PPARA: variants seen among roughly 807,000 people sequenced by gnomAD.
PPARA encodes peroxisome proliferator-activated receptor alpha.
Under a neutral mutation model 42.2 loss-of-function variants are expected in PPARA, and 22 were observed. The observed-to-expected ratio is 0.52, with a 90% CI of 0.37 to 0.74. The LOEUF is 0.74. Ranked by LOEUF, PPARA falls within the 30% of genes least tolerant of loss-of-function variation. The pLI is 0.00. For synonymous variants in PPARA, 242 were observed against 239.3 expected, an observed-to-expected ratio of 1.01 and a Z score of -0.10; for missense variants, 465 against 608.2, an observed-to-expected ratio of 0.76 and a Z score of 2.48.
At chr22:46,217,987 T>A (rs994081602) in intron 5 of PPARA, among the ~76,000 whole-genome samples, 1 of 151,812 alleles carries the variant, frequency 6.6e-6, no homozygotes, top group African/African-American at 2.4e-5. Context: ...TACATCACCA[T>A]GCCCGGCTAA....
rs1417454449 is a variant in PPARA at position 46,182,705 on chromosome 22, A to G, written c.-43+5869A>G. On this transcript the variant is annotated intron_variant, in intron 3 of 8. Coordinates refer to ENST00000407236, the MANE Select transcript of PPARA (RefSeq NM_005036.6). This position sits in a 1 kb window ranked among gnomAD's most constrained non-coding sequence, Gnocchi z 5.2. ...ACTTTAAATATGTACAGATTATTGT[A>G]TGCCAGTTACATGTCCATAAAGCTT... Among the ~76,000 whole-genome samples, 1 of 152,192 alleles carries G rather than the reference A, an allele frequency of 6.6e-6. No homozygotes were observed. The highest frequency in any genetic ancestry group is 1.5e-5 in the Non-Finnish European group (1 of 68,038).
chr22:46,219,588 G>A lies in PPARA; in HGVS notation c.509-224G>A, dbSNP rs929037908. 2.0e-5 allele frequency among the ~76,000 whole-genome samples: 3 copies of A among 152,148 alleles called. No individual in the cohort carries two copies. The highest frequency in any genetic ancestry group is 4.2e-4 in the South Asian group (2 of 4,818). On this transcript the variant is annotated intron_variant, in intron 6 of 8. Coordinates refer to ENST00000407236, the MANE Select transcript of PPARA (RefSeq NM_005036.6). This position sits in a 1 kb window ranked among gnomAD's most constrained non-coding sequence, Gnocchi z 4.8. ...TCACCTTCAGCCTGCACCTGTTAAC[G>A]ATGGTGTCACCTTCAGCCTGCACCT...
chr22:46,226,043 T>A (rs1347998612), intron 7 of PPARA, among the ~76,000 whole-genome samples: 2 of 150,178 alleles, frequency 1.3e-5, no homozygotes. Flanking sequence ...ACACACACAC[T>A]TACAAACTAC....
Position 46,156,164 on chromosome 22 carries a change from A to T in PPARA, c.-127+4194A>T, listed in dbSNP as rs1925269306. ...TGGAAATCTGGAAATATTGCTGTGT[A>T]TCTGCAAAGCAGCTTGATATAGTGG... On this transcript the variant is annotated intron_variant, in intron 2 of 8. Transcript: ENST00000407236. This position sits in a 1 kb window ranked among gnomAD's most constrained non-coding sequence, Gnocchi z 5.2. The T allele has an allele frequency of 6.6e-6, 1 of 152,266 alleles. No individual in the cohort carries two copies. The highest frequency in any genetic ancestry group is 1.5e-5 in the Non-Finnish European group (1 of 68,054). 9.4% of individuals were successfully genotyped at this position (152,266 alleles called of 1,614,324 possible).
intron 2 of PPARA, among the ~76,000 whole-genome samples, chr22:46,153,064 C>T (rs1393597839): frequency 6.6e-6 from 1 of 151,650 alleles, no homozygotes; most frequent in East Asian, 1.9e-4. Flanking sequence ...GCAGCCTGGG[C>T]GCCAGGGCGA....
At chr22:46,164,077 G>C (rs1926651699) in intron 2 of PPARA, 1 of 151,920 alleles carries the variant, frequency 6.6e-6, no homozygotes, top group Non-Finnish European at 1.5e-5. Context: ...AAATTACCTG[G>C]GCGTGGTGGT....
rs1346646660 is a variant in PPARA, at chr22:46,187,537, AAGG to A, written c.-43+10704_-43+10706del. Among the ~76,000 whole-genome samples, 3 of 152,178 alleles carry A rather than the reference AAGG, an allele frequency of 2.0e-5. No individual in the cohort carries two copies. The highest frequency in any genetic ancestry group is 4.4e-5 in the Non-Finnish European group (3 of 68,036). ...CTTGGGACAGTTACAACAGCCCCGT[AAGG>A]AGTTGTGCTGCTTCTAGTCTTGTTC... On this transcript the variant is annotated intron_variant, in intron 3 of 8. Transcript: ENST00000407236. This position sits in a 1 kb window ranked among gnomAD's most constrained non-coding sequence, Gnocchi z 4.9.
chr22:46,224,482 C>T lies in PPARA; in HGVS notation c.711+4468C>T, dbSNP rs80075526. Among the ~76,000 whole-genome samples the T allele has an allele frequency of 0.017, 2,647 of 152,264 alleles. 83 individuals carry two copies. The highest frequency in any genetic ancestry group is 0.061 in the African/African-American group (2,540 of 41,560). On this transcript the variant is annotated intron_variant, in intron 7 of 8. Coordinates refer to ENST00000407236, the MANE Select transcript of PPARA (RefSeq NM_005036.6). This position sits in a 1 kb window ranked among gnomAD's most constrained non-coding sequence, Gnocchi z 5.7. Reference sequence around the variant, plus strand: ...ATCTGTTAGGGAGACCAAGCAGCGGCCTGGAAACACCTTGATCTCTGCCCA... The same window carrying T: ...ATCTGTTAGGGAGACCAAGCAGCGGTCTGGAAACACCTTGATCTCTGCCCA...
chr22:46,165,472 G>T lies in PPARA; in HGVS notation c.-126-11281G>T, dbSNP rs1926903943. 6.6e-6 allele frequency: 1 copy of T among 152,272 alleles called. No homozygotes were observed. The highest frequency in any genetic ancestry group is 1.5e-5 in the Non-Finnish European group (1 of 68,076). 9.4% of individuals were successfully genotyped at this position (152,272 alleles called of 1,614,324 possible). ...AACTGCCAGGCCATGGTCTGGAGAA[G>T]ATGGAAACTTGATGTTTGGGGCCAT... is the stretch of plus-strand genomic sequence containing the variant. On this transcript the variant is annotated intron_variant, in intron 2 of 8. Coordinates refer to ENST00000407236, the MANE Select transcript of PPARA (RefSeq NM_005036.6). The surrounding 1 kb of genome is among the most constrained non-coding windows in gnomAD (Gnocchi z 5.5).
chr22:46,199,370 C>G (rs1300040885), intron 4 of PPARA, among the ~76,000 whole-genome samples: 6 of 152,130 alleles, frequency 3.9e-5, no homozygotes, highest in Non-Finnish European at 8.8e-5. Flanking sequence ...CGGTGGCTCA[C>G]GCCTATAATC....
rs1925321071 is a variant in PPARA, at chr22:46,156,514, C to G, written c.-127+4544C>G. The G allele has an allele frequency of 6.6e-6, 1 of 152,192 alleles. No individual in the cohort carries two copies. Among genetic ancestry groups the G allele is most frequent in the African/African-American group, 2.4e-5 (1 of 41,432 alleles). 9.4% of individuals were successfully genotyped at this position (152,192 alleles called of 1,614,324 possible). Reference sequence around the variant, plus strand: ...TCAGAAAGCAACATGCTACCGTACCCCTTATACACCAAAACTGGTTTTCAT... The same window carrying G: ...TCAGAAAGCAACATGCTACCGTACCGCTTATACACCAAAACTGGTTTTCAT... On this transcript the variant is annotated intron_variant, in intron 2 of 8. Coordinates refer to ENST00000407236, the MANE Select transcript of PPARA (RefSeq NM_005036.6). The surrounding 1 kb of genome is among the most constrained non-coding windows in gnomAD (Gnocchi z 5.2).
At chr22:46,194,568 C>CTTTTTTTT (rs1158744441) in intron 3 of PPARA, among the ~76,000 whole-genome samples, 3 of 125,522 alleles carry the variant, frequency 2.4e-5, no homozygotes, top group Non-Finnish European at 4.9e-5. Context: ...TTGCTTTTTC[C>CTTTTTTTT]TTTTTTTTTT....
Position 46,216,136 on chromosome 22 carries a change from A to G in PPARA, c.369+803A>G, listed in dbSNP as rs982290822. On this transcript the variant is annotated intron_variant, in intron 5 of 8. Coordinates refer to ENST00000407236, the MANE Select transcript of PPARA (RefSeq NM_005036.6). This position sits in a 1 kb window ranked among gnomAD's most constrained non-coding sequence, Gnocchi z 4.5. ...AGTGGCTCACGCCTATAATCTCAGC[A>G]CTTTGGGAGGCCGAGGCGGCTGGAT... Among the ~76,000 whole-genome samples the G allele has an allele frequency of 6.6e-6, 1 of 152,146 alleles. No homozygotes were observed. The highest frequency in any genetic ancestry group is 2.4e-5 in the African/African-American group (1 of 41,434).
rs936616724 is a variant in PPARA at position 46,216,349 on chromosome 22, C to T, written c.369+1016C>T. ...AGTGAGCTGAGATCGAGCCATTTCA[C>T]TCCAGCCTAGGCGACAAGAGTAAAA... On this transcript the variant is annotated intron_variant, in intron 5 of 8. Coordinates refer to ENST00000407236, the MANE Select transcript of PPARA (RefSeq NM_005036.6). The surrounding 1 kb of genome is among the most constrained non-coding windows in gnomAD (Gnocchi z 4.5). 3.3e-5 allele frequency among the ~76,000 whole-genome samples: 5 copies of T among 150,018 alleles called. No homozygotes were observed. The highest frequency in any genetic ancestry group is 1.3e-4 in the Admixed American group (2 of 15,082).
intron 5 of PPARA, among the ~76,000 whole-genome samples, chr22:46,217,245 C>T (rs1486027527): frequency 6.6e-6 from 1 of 152,112 alleles, no homozygotes; most frequent in African/African-American, 2.4e-5. Context: ...GTCCCTCTCC[C>T]GCGGGCCAAG....
chr22:46,161,288 T>C lies in PPARA; in HGVS notation c.-127+9318T>C, dbSNP rs1238403162. On this transcript the variant is annotated intron_variant, in intron 2 of 8. Coordinates refer to ENST00000407236, the MANE Select transcript of PPARA (RefSeq NM_005036.6). This position sits in a 1 kb window ranked among gnomAD's most constrained non-coding sequence, Gnocchi z 4.8. Reference sequence around the variant, plus strand: ...GAAGGATGTGTGCCCAATTATGGTATCAGGTCTGTTGTAGACTCTTCAAGG... The same window carrying C: ...GAAGGATGTGTGCCCAATTATGGTACCAGGTCTGTTGTAGACTCTTCAAGG... Among the ~76,000 whole-genome samples, 1 of 152,210 alleles carries C rather than the reference T, an allele frequency of 6.6e-6. No homozygotes were observed. The highest frequency in any genetic ancestry group is 1.9e-4 in the East Asian group (1 of 5,204).
In PPARA at chr22:46,195,021, G is replaced by C. The variant is rs1191711531; in HGVS notation, c.-42-3321G>C. Among the ~76,000 whole-genome samples the C allele has an allele frequency of 2.0e-5, 3 of 149,062 alleles. No individual in the cohort carries two copies. The highest frequency in any genetic ancestry group is 7.4e-5 in the African/African-American group (3 of 40,272). On this transcript the variant is annotated intron_variant, in intron 3 of 8. Coordinates refer to ENST00000407236, the MANE Select transcript of PPARA (RefSeq NM_005036.6). This position sits in a 1 kb window ranked among gnomAD's most constrained non-coding sequence, Gnocchi z 4.6. ...GGGTTCAAGCGATTCTCTTGCCTCA[G>C]TCTCCTGAGTAGCTGGGATTACAGG...
chr22:46,233,206 T>C lies in PPARA; in HGVS notation c.1159+967T>C, dbSNP rs180799600. On this transcript the variant is annotated intron_variant, in intron 8 of 8. Coordinates refer to ENST00000407236, the MANE Select transcript of PPARA (RefSeq NM_005036.6). The surrounding 1 kb of genome is among the most constrained non-coding windows in gnomAD (Gnocchi z 7.3). ...TGTTGATGAAAAGTATATTTCCTAA[T>C]GCAAAATATAATATCAGTCAGCAGC... Among the ~76,000 whole-genome samples, 166 of 152,260 alleles carry C rather than the reference T, an allele frequency of 1.1e-3. No homozygotes were observed. The highest frequency in any genetic ancestry group is 8.8e-3 in the Admixed American group (134 of 15,280).
intron 7 of PPARA, 139 bp downstream of exon 7, chr22:46,220,153 A>T: frequency 2.0e-6 from 2 of 1,022,092 alleles, no homozygotes; most frequent in South Asian, 2.7e-5. Context: ...AGATGGAAAC[A>T]GTTCATTCTG....
Sources: allele counts gnomAD v4.1 joint callset (sites outside exome capture counted in the v4.1 genomes callset), GRCh38; gene constraint gnomAD v4.1.1; non-coding constraint Gnocchi (gnomAD v3.1); transcripts MANE v1.5; gene names NCBI Gene and HGNC (gene_info 2026-07-23, HGNC 2026-07-21).